The following KANSL1L variants were observed in gnomAD, a reference collection of about 807,000 sequenced individuals.
KANSL1L encodes KAT8 regulatory NSL complex subunit 1 like, also known as KAT8 regulatory NSL complex subunit 1-like protein.
KANSL1L carries 25 observed loss-of-function variants against 108.6 expected under a neutral mutation model. The ratio of observed to expected loss-of-function variants is 0.23; its 90% CI spans 0.17 to 0.32. The LOEUF is 0.32. Among genes scored for constraint, KANSL1L ranks in the 10% least tolerant of loss-of-function variants. The pLI, the probability that KANSL1L is intolerant of heterozygous loss-of-function variation, is 1.00. For synonymous variants in KANSL1L, 405 were observed against 395.1 expected, an observed-to-expected ratio of 1.03 and a Z score of -0.30; for missense variants, 1,137 against 1,125.7, an observed-to-expected ratio of 1.01 and a Z score of -0.14.
At chr2:210,057,392 G>C (rs1191662342) in intron 6 of KANSL1L, among the ~76,000 whole-genome samples, 1 of 152,106 alleles carries the variant, frequency 6.6e-6, no homozygotes, top group Non-Finnish European at 1.5e-5. Flanking sequence ...GAGAAAGTGA[G>C]AGTCTTTCTC....
intron 8 of KANSL1L, chr2:210,032,776 A>G (rs1195676538): frequency 1.3e-5 from 2 of 152,230 alleles, no homozygotes; most frequent in Non-Finnish European, 2.9e-5. Flanking sequence ...AGCTTCAATG[A>G]TGAGTATAGA....
chr2:210,070,945 G>A (rs1205847372), intron 6 of KANSL1L, among the ~76,000 whole-genome samples: 1 of 151,984 alleles, frequency 6.6e-6, no homozygotes, highest in Non-Finnish European at 1.5e-5. Flanking sequence ...GGATCACGAG[G>A]TCAGAAGTTT....
chr2:210,111,592 T>G (rs2094905524), intron 3 of KANSL1L, among the ~76,000 whole-genome samples: 1 of 152,136 alleles, frequency 6.6e-6, no homozygotes, highest in African/African-American at 2.4e-5. Flanking sequence ...TTTGTCAAAA[T>G]TCAGTGAACT....
At chr2:210,031,969 T>C (rs2094023496) in intron 8 of KANSL1L, among the ~76,000 whole-genome samples, 1 of 152,242 alleles carries the variant, frequency 6.6e-6, no homozygotes, top group Non-Finnish European at 1.5e-5. Flanking sequence ...GATGCCTTAG[T>C]TGCATCATCT....
chr2:210,089,357 C>G (rs1475618542), intron 5 of KANSL1L, among the ~76,000 whole-genome samples: 1 of 151,964 alleles, frequency 6.6e-6, no homozygotes, highest in East Asian at 1.9e-4. Context: ...ATTATTACAT[C>G]CAAAAGAGCA....
chr2:210,073,774 AACACACACACACACACACACAC>A (rs372708042), intron 6 of KANSL1L, among the ~76,000 whole-genome samples: 5 of 142,010 alleles, frequency 3.5e-5, no homozygotes, highest in African/African-American at 1.3e-4. Context: ...GAAACACACA[AACACACACACACACACACACAC>A]ACACACACAC....
intron 1 of KANSL1L, among the ~76,000 whole-genome samples, chr2:210,155,801 G>A (rs1261507337): frequency 6.6e-6 from 1 of 152,120 alleles, no homozygotes; most frequent in African/African-American, 2.4e-5. Flanking sequence ...TTTGTAACCT[G>A]ATATGCCAAA....
At chr2:210,136,230 T>A (rs1359552287) in intron 2 of KANSL1L, among the ~76,000 whole-genome samples, 1 of 152,074 alleles carries the variant, frequency 6.6e-6, no homozygotes, top group Non-Finnish European at 1.5e-5. Flanking sequence ...TTAAAAATAA[T>A]TCATATATGG....
intron 3 of KANSL1L, among the ~76,000 whole-genome samples, chr2:210,123,320 C>T (rs971141891): frequency 1.3e-5 from 2 of 151,996 alleles, no homozygotes; most frequent in African/African-American, 4.8e-5. Context: ...AAATGTTGTA[C>T]ATATACAAAA....
At chr2:210,109,661 G>C (rs1307176465) in intron 3 of KANSL1L, among the ~76,000 whole-genome samples, 1 of 152,086 alleles carries the variant, frequency 6.6e-6, no homozygotes, top group East Asian at 1.9e-4. Context: ...AATATTGTGA[G>C]AGCTTCTTAC....
intron 3 of KANSL1L, among the ~76,000 whole-genome samples, chr2:210,105,042 T>C (rs949087398): frequency 6.6e-6 from 1 of 152,078 alleles, no homozygotes; most frequent in Non-Finnish European, 1.5e-5. Context: ...CCTCAACTGG[T>C]TTGCTCGGCT....
In KANSL1L at chr2:210,043,945, G is replaced by T; in HGVS notation, c.1915C>A (p.Pro639Thr). Residue 639 changes from proline to threonine, a missense_variant, in exon 7 of 15, where the codon CCA (proline) becomes ACA (threonine). This residue lies in a region of KANSL1L where 575 missense variants were observed against 567.1 expected (regional missense o/e 1.01). Transcript: ENST00000281772. ...DSSFHSVLSL[P>T]SDVPLHFHFE... ...TTGTTACAAGGAGGCTTACCTGATG[G>T]CAATGATAGAACAGAATGGAAAGAG... 2 of 1,582,214 alleles carry T rather than the reference G, an allele frequency of 1.3e-6. No individual in the cohort carries two copies. The highest frequency in any genetic ancestry group is 1.7e-6 in the Non-Finnish European group (2 of 1,164,332).
rs1340663754 is a variant in KANSL1L, at chr2:210,147,940, CAA to C, written c.1088+5553_1088+5554del. 5.9e-5 allele frequency among the ~76,000 whole-genome samples: 9 copies of C among 152,112 alleles called. No individual in the cohort carries two copies. In the East Asian group the frequency reaches 1.7e-3, roughly 29 times the overall value. On this transcript the variant is annotated intron_variant, in intron 2 of 14. Transcript: ENST00000281772. ...ATGAGTATTCATTTCTATGGGTCTG[CAA>C]AAACTTAATTATTTTCTATTTTTTA...
At chr2:210,086,708 T>TA (rs2094640946) in intron 5 of KANSL1L, among the ~76,000 whole-genome samples, 1 of 152,016 alleles carries the variant, frequency 6.6e-6, no homozygotes, top group Admixed American at 6.6e-5. Flanking sequence ...CTTAAATACT[T>TA]AAGAGAATTA....
At chr2:210,056,818 T>C (rs1443383553) in intron 6 of KANSL1L, among the ~76,000 whole-genome samples, 1 of 152,136 alleles carries the variant, frequency 6.6e-6, no homozygotes, top group Non-Finnish European at 1.5e-5. Context: ...TTATTTAATA[T>C]CAACACACCT....
At chr2:210,118,256 G>A (rs2094976312) in intron 3 of KANSL1L, among the ~76,000 whole-genome samples, 1 of 150,440 alleles carries the variant, frequency 6.6e-6, no homozygotes, top group African/African-American at 2.4e-5. Context: ...ATCACTTGAG[G>A]TCAGGAGTTC....
At chr2:210,073,977 A>G (rs2094525388) in intron 6 of KANSL1L, among the ~76,000 whole-genome samples, 1 of 152,184 alleles carries the variant, frequency 6.6e-6, no homozygotes, top group African/African-American at 2.4e-5. Context: ...AACATAACAC[A>G]CTTTTTTCTG....
At chr2:210,108,741 G>A (rs1380365488) in intron 3 of KANSL1L, among the ~76,000 whole-genome samples, 13 of 152,154 alleles carry the variant, frequency 8.5e-5, no homozygotes, top group Admixed American at 8.5e-4. Context: ...AGTGAACAAT[G>A]AGAAAAAGTA....
At chr2:210,085,520 T>C (rs1190120055) in intron 5 of KANSL1L, among the ~76,000 whole-genome samples, 1 of 152,156 alleles carries the variant, frequency 6.6e-6, no homozygotes, top group Non-Finnish European at 1.5e-5. Context: ...TTGTCAAATA[T>C]TTGTCTGATC....
Sources: gnomAD v4.1 joint callset for allele counts (sites outside exome capture counted in the v4.1 genomes callset) on GRCh38, gnomAD v4.1.1 for gene constraint, gnomAD v4.1.1 regional missense constraint, MANE v1.5 for transcripts, NCBI Gene and HGNC (gene_info 2026-07-23, HGNC 2026-07-21) for gene names.